FFAR4: variants seen among roughly 807,000 people sequenced by gnomAD.
FFAR4 encodes the protein free fatty acid receptor 4.
A neutral mutation model predicts 27.0 loss-of-function variants in FFAR4; 19 were observed. The observed-to-expected ratio is 0.70, with a 90% CI of 0.49 to 1.03. The LOEUF (loss-of-function observed/expected upper bound fraction) is 1.03, where lower values mean the gene tolerates loss of function less well. FFAR4 is among the 50% of genes least tolerant of loss of function. The pLI, the probability that FFAR4 is intolerant of heterozygous loss-of-function variation, is 0.00. For missense variants in FFAR4, 476 were observed against 479.0 expected, an observed-to-expected ratio of 0.99 and a Z score of 0.06; for synonymous variants, 254 against 215.6, an observed-to-expected ratio of 1.18 and a Z score of -1.56.
intron 2 of FFAR4, among the ~76,000 whole-genome samples, chr10:93,584,639 C>A (rs947594286): frequency 3.3e-5 from 5 of 152,128 alleles, no homozygotes; most frequent in African/African-American, 1.2e-4. Flanking sequence ...GACCTAAACT[C>A]CTGCACAGAG....
At chr10:93,584,084 A>C (rs1046914819) in intron 2 of FFAR4, among the ~76,000 whole-genome samples, 2 of 152,192 alleles carry the variant, frequency 1.3e-5, no homozygotes, top group Non-Finnish European at 2.9e-5. Flanking sequence ...CACCCTGCCC[A>C]ACTGATATTC....
chr10:93,570,875 A>G (rs2058128194), intron 1 of FFAR4, among the ~76,000 whole-genome samples: 2 of 152,118 alleles, frequency 1.3e-5, no homozygotes, highest in African/African-American at 4.8e-5. Flanking sequence ...GACAGAATCC[A>G]AGCTGTCTAA....
chr10:93,567,334 G>A, intron 1 of FFAR4, 47 bp downstream of exon 1: 1 of 1,545,972 alleles, frequency 6.5e-7, no homozygotes. Flanking sequence ...GCGCAGGCTG[G>A]GAAGCGGGGC....
chr10:93,587,248 C>G lies in FFAR4; in HGVS notation c.725C>G (p.Thr242Arg). Residue 242 changes from threonine (T) to arginine (R), a missense_variant, in exon 3 of 3, where the codon ACG (threonine) becomes AGG (arginine). Coordinates refer to ENST00000371481, the MANE Select transcript of FFAR4 (RefSeq NM_001195755.2). ...ACAAAGGCATCAAGGAAGAGGCTCA[C>G]GGTAAGCCTGGCCTACTCGGAGAGC... is the stretch of plus-strand genomic sequence containing the variant. Reference protein sequence around the residue: ...QITKASRKRLTVSLAYSESHQ... With the variant: ...QITKASRKRLRVSLAYSESHQ... The G allele has an allele frequency of 6.2e-7, 1 of 1,613,986 alleles. No individual in the cohort carries two copies. Among genetic ancestry groups the G allele is most frequent in the Non-Finnish European group, 8.5e-7 (1 of 1,179,932 alleles).
chr10:93,581,999 C>T (rs1415012862), intron 2 of FFAR4, among the ~76,000 whole-genome samples: 2 of 152,200 alleles, frequency 1.3e-5, no homozygotes, highest in Non-Finnish European at 2.9e-5. Context: ...ATCCCAGAGG[C>T]TTGTTCTGTG....
At chr10:93,578,485 AGT>A (rs2058179222) in intron 2 of FFAR4, among the ~76,000 whole-genome samples, 1 of 151,364 alleles carries the variant, frequency 6.6e-6, no homozygotes, top group African/African-American at 2.4e-5. Flanking sequence ...GAGACTTGAC[AGT>A]GTTATTTTAA....
intron 2 of FFAR4, among the ~76,000 whole-genome samples, chr10:93,578,413 T>A (rs1589677218): frequency 2.8e-5 from 2 of 71,176 alleles, no homozygotes; most frequent in African/African-American, 7.5e-5. Flanking sequence ...TGAGATTCCC[T>A]CTCAAAAAAA....
intron 2 of FFAR4, among the ~76,000 whole-genome samples, chr10:93,576,977 C>G (rs1202408084): frequency 1.3e-5 from 2 of 152,168 alleles, no homozygotes; most frequent in African/African-American, 4.8e-5. Flanking sequence ...TGGAATATTA[C>G]CAGAAGTCCC....
chr10:93,580,167 G>A (rs768387921), intron 2 of FFAR4, among the ~76,000 whole-genome samples: 16 of 152,294 alleles, frequency 1.1e-4, no homozygotes, highest in Middle Eastern at 3.4e-3. Context: ...GAAGATATAC[G>A]TAACTCAGAG....
In FFAR4 at chr10:93,583,231, T is replaced by C. The variant is rs577267732; in HGVS notation, c.697-3989T>C. 2.5e-4 allele frequency among the ~76,000 whole-genome samples: 32 copies of C among 130,486 alleles called. No individual in the cohort carries two copies. The East Asian group carries it at 6.8e-3, about 28-fold the overall frequency. The allele number at this position is 130,486 out of a possible 152,430, so 85.6% of individuals were successfully genotyped here. A position where few individuals can be genotyped will look rare whatever the true frequency, so the allele number is the denominator to read the frequency against. ...TCCTGGCTAACACGGTGAAACCCCGTCTCTACTAAAAATACAAAAAAAAAA... is the reference window on the plus strand; with the variant it reads ...TCCTGGCTAACACGGTGAAACCCCGCCTCTACTAAAAATACAAAAAAAAAA... On this transcript the variant is annotated intron_variant, in intron 2 of 2. Coordinates refer to ENST00000371481, the MANE Select transcript of FFAR4 (RefSeq NM_001195755.2).
rs530266553 is a variant in FFAR4 at position 93,587,244 on chromosome 10, C to A, written c.721C>A (p.Leu241Ile). The change falls in exon 3 of 3, where the codon CTC becomes ATC. Residue 241 changes from leucine (L) to isoleucine (I), a missense_variant. By Grantham distance (5) the Leu-to-Ile change is conservative. Coordinates refer to ENST00000371481, the MANE Select transcript of FFAR4 (RefSeq NM_001195755.2). ...LQITKASRKR[L>I]TVSLAYSESH... The stretch of plus-strand genomic sequence containing the variant: ...GATCACAAAGGCATCAAGGAAGAGG[C>A]TCACGGTAAGCCTGGCCTACTCGGA... 7.4e-6 allele frequency: 12 copies of A among 1,613,942 alleles called. No homozygotes were observed. The South Asian group carries it at 1.3e-4, about 18-fold the overall frequency.
chr10:93,574,396 T>C (rs2058150329), intron 1 of FFAR4, among the ~76,000 whole-genome samples: 2 of 152,162 alleles, frequency 1.3e-5, no homozygotes, highest in African/African-American at 4.8e-5. Context: ...AGAATAGGAA[T>C]GAGAGACCAA....
At chr10:93,570,216 ACACCTACCTGC>A (rs2058124258) in intron 1 of FFAR4, among the ~76,000 whole-genome samples, 1 of 149,842 alleles carries the variant, frequency 6.7e-6, no homozygotes, top group Non-Finnish European at 1.5e-5. Flanking sequence ...ACACACTTTC[ACACCTACCTGC>A]CCAGGAACCC....
intron 1 of FFAR4, among the ~76,000 whole-genome samples, chr10:93,573,900 C>A (rs1360484869): frequency 6.6e-6 from 1 of 152,182 alleles, no homozygotes; most frequent in African/African-American, 2.4e-5. Context: ...ATCATCATTT[C>A]ACTTATAAAT....
intron 2 of FFAR4, among the ~76,000 whole-genome samples, 164 bp downstream of exon 2, chr10:93,576,383 A>T (rs1207789390): frequency 6.6e-6 from 1 of 152,138 alleles, no homozygotes; most frequent in East Asian, 1.9e-4. Context: ...ATTTTTTTAG[A>T]AGTTATATCT....
At position 93,587,313 on chromosome 10, in the gene FFAR4, C is replaced by A. The variant is rs138801183; in HGVS notation, c.790C>A (p.Arg264Ser). ...RVSQQDFRLF[R>S]TLFLLMVSFF... Reference sequence around the variant, plus strand: ...GTCCCAGCAGGACTTCCGGCTCTTCCGCACCCTCTTCCTCCTCATGGTCTC... The same window carrying A: ...GTCCCAGCAGGACTTCCGGCTCTTCAGCACCCTCTTCCTCCTCATGGTCTC... The change falls in exon 3 of 3, where the codon CGC becomes AGC. Residue 264 changes from arginine to serine, a missense_variant. Transcript: ENST00000371481. 5 of 1,614,008 alleles carry A rather than the reference C, an allele frequency of 3.1e-6. No individual in the cohort carries two copies. The highest frequency in any genetic ancestry group is 4.2e-6 in the Non-Finnish European group (5 of 1,180,012).
Position 93,589,961 on chromosome 10 carries a change from T to C in FFAR4, c.*2352T>C, listed in dbSNP as rs1301392681. The stretch of plus-strand genomic sequence containing the variant: ...CTGCTTATGCAGTTTCTGGAGCAGC[T>C]TGCTTCTGAAGTCAGATTCATGGAT... On this transcript the variant is annotated 3_prime_UTR_variant, in exon 3 of 3. Transcript: ENST00000371481. 1 of 152,196 alleles carries C rather than the reference T, an allele frequency of 6.6e-6. No homozygotes were observed. The highest frequency in any genetic ancestry group is 1.5e-5 in the Non-Finnish European group (1 of 68,034). 9.4% of individuals were successfully genotyped at this position (152,196 alleles called of 1,614,324 possible).
intron 2 of FFAR4, among the ~76,000 whole-genome samples, chr10:93,586,468 T>C (rs2058227865): frequency 6.6e-6 from 1 of 151,982 alleles, no homozygotes; most frequent in East Asian, 1.9e-4. Context: ...CGGAATAATA[T>C]AGGGAGAGAG....
Position 93,567,227 on chromosome 10 carries a change from C to G in FFAR4, c.507C>G (p.Ala169=). 1 of 1,601,480 alleles carries G rather than the reference C, an allele frequency of 6.2e-7. No homozygotes were observed. Residue 169 remains alanine, a synonymous_variant, in exon 1 of 3, where the codon GCC becomes GCG. Transcript: ENST00000371481. ...LALIWGYSAV[A]ALPLCVFFRV... ...TCATCTGGGGCTATTCGGCGGTCGCCGCTCTGCCTCTCTGCGTCTTCTTCC... is the reference window on the plus strand; with the variant it reads ...TCATCTGGGGCTATTCGGCGGTCGCGGCTCTGCCTCTCTGCGTCTTCTTCC...
Sources: gnomAD v4.1 joint callset for allele counts (sites outside exome capture counted in the v4.1 genomes callset) on GRCh38, gnomAD v4.1.1 for gene constraint, MANE v1.5 for transcripts, NCBI Gene and HGNC (gene_info 2026-07-23, HGNC 2026-07-21) for gene names.